The following TWF2 variants were observed in gnomAD, a reference collection of about 807,000 sequenced individuals.
The protein encoded by TWF2 is twinfilin-2.
TWF2 carries 15 observed loss-of-function variants against 45.1 expected under a neutral mutation model. The observed-to-expected ratio is 0.33, with a 90% confidence interval of 0.22 to 0.51. The LOEUF is 0.51. TWF2 is among the 20% of genes least tolerant of loss of function. The pLI is 0.97. For missense variants in TWF2, 423 were observed against 469.1 expected (o/e 0.90, Z 0.91); for synonymous variants, 177 against 195.8 (o/e 0.90, Z 0.80).
chr3:52,233,877 A>G (rs536849498), intron 2 of TWF2, among the ~76,000 whole-genome samples: 16 of 144,892 alleles, frequency 1.1e-4, no homozygotes, highest in Non-Finnish European at 1.8e-4. Context: ...TCACACCACT[A>G]CACTCCAGCC....
At chr3:52,235,163 A>G in intron 1 of TWF2, 57 bp from the exon 2 acceptor site, 1 of 1,561,748 alleles carries the variant, frequency 6.4e-7, no homozygotes, top group South Asian at 1.1e-5. Flanking sequence ...AGAGACGAGT[A>G]TGGGGCCTGC....
In TWF2 at chr3:52,228,652, C is replaced by A; in HGVS notation, c.*382G>T. On this transcript the variant is annotated 3_prime_UTR_variant, in exon 9 of 9. Coordinates refer to ENST00000305533, the MANE Select transcript of TWF2 (RefSeq NM_007284.4). ...TTTATTCTTTAGAAAATACAGCATT[C>A]AACCATCCCAAACTGCAGTGACCCC... 4.6e-6 allele frequency: 1 copy of A among 219,494 alleles called. No homozygotes were observed. The highest frequency in any genetic ancestry group is 9.0e-6 in the Non-Finnish European group (1 of 110,896). 13.6% of individuals were successfully genotyped at this position (219,494 alleles called of 1,614,324 possible).
chr3:52,231,042 G>A (rs763535162), intron 5 of TWF2, 47 bp from the exon 6 acceptor site: 1 of 1,609,866 alleles, frequency 6.2e-7, no homozygotes, highest in African/African-American at 1.3e-5. Flanking sequence ...GCCCAAAGCA[G>A]GGTGTGGCTC....
chr3:52,231,162 C>T lies in TWF2; in HGVS notation c.448G>A (p.Ala150Thr), dbSNP rs2107301659. Residue 150 changes from alanine (A) to threonine (T), a missense_variant, in exon 5 of 9, where the codon GCT becomes ACT. Transcript: ENST00000305533. ...SCAAPAPLTS[A>T]ERELQQIRIN... ...CGGATCTGCTGGAGCTCTCTCTCAG[C>T]CGAGGTCAGCGGGGCAGGTGCCGCA... 1 of 1,614,086 alleles carries T rather than the reference C, an allele frequency of 6.2e-7. No homozygotes were observed. Among genetic ancestry groups the T allele is most frequent in the East Asian group, 2.2e-5 (1 of 44,868 alleles).
In TWF2 at chr3:52,233,022, AG is replaced by A. The variant is rs566009107; in HGVS notation, c.104-901del. Among the ~76,000 whole-genome samples the A allele has an allele frequency of 2.8e-3, 423 of 152,368 alleles. 2 individuals carry two copies. Among genetic ancestry groups the A allele is most frequent in the South Asian group, 0.012 (57 of 4,832 alleles). ...GCGAAACTCCGTCTCAAAAAAAGAAAGAAAATGTCGCAGATCCAAAGCAGCC... is the reference window on the plus strand; with the variant it reads ...GCGAAACTCCGTCTCAAAAAAAGAAAAAAATGTCGCAGATCCAAAGCAGCC... On this transcript the variant is annotated intron_variant, in intron 2 of 8. Coordinates refer to ENST00000305533, the MANE Select transcript of TWF2 (RefSeq NM_007284.4).
intron 6 of TWF2, among the ~76,000 whole-genome samples, chr3:52,230,400 G>T (rs1236826877): frequency 6.6e-6 from 1 of 152,256 alleles, no homozygotes; most frequent in African/African-American, 2.4e-5. Flanking sequence ...ATCCTCAGAG[G>T]CAAGGCCTCT....
At chr3:52,230,682 G>A (rs1301560300) in intron 6 of TWF2, among the ~76,000 whole-genome samples, 188 bp downstream of exon 6, 1 of 151,954 alleles carries the variant, frequency 6.6e-6, no homozygotes. Flanking sequence ...CAGTGTCTGC[G>A]CCCCAGGCGG....
chr3:52,232,846 G>A (rs369149776), intron 2 of TWF2, among the ~76,000 whole-genome samples: 4 of 152,106 alleles, frequency 2.6e-5, no homozygotes, highest in Non-Finnish European at 4.4e-5. Flanking sequence ...GAGAAACCCC[G>A]TCTCTACTAA....
chr3:52,230,574 G>T (rs1430329501), intron 6 of TWF2, among the ~76,000 whole-genome samples: 1 of 152,160 alleles, frequency 6.6e-6, no homozygotes, highest in Non-Finnish European at 1.5e-5. Context: ...TGACCCCAGG[G>T]GTATGGGTGG....
Position 52,238,939 on chromosome 3 carries a change from C to T in TWF2, c.25+53G>A, listed in dbSNP as rs942045932. The T allele has an allele frequency of 6.7e-4, 918 of 1,373,974 alleles. 1 individual carries two copies. Among genetic ancestry groups the T allele is most frequent in the Non-Finnish European group, 8.3e-4 (844 of 1,013,136 alleles). The allele number at this position is 1,373,974 out of a possible 1,614,324, so 85.1% of individuals were successfully genotyped here. A position where few individuals can be genotyped will look rare whatever the true frequency, so the allele number is the denominator to read the frequency against. On this transcript the variant is annotated intron_variant, in intron 1 of 8. Coordinates refer to ENST00000305533, the MANE Select transcript of TWF2 (RefSeq NM_007284.4). ...GGAGGGGCCGAGAGCCGGGGGGGGGCGCTTCCGAGAGCCCAGACCGAGGCC... is the reference window on the plus strand; with the variant it reads ...GGAGGGGCCGAGAGCCGGGGGGGGGTGCTTCCGAGAGCCCAGACCGAGGCC...
chr3:52,237,930 T>C (rs1414675930), intron 1 of TWF2, among the ~76,000 whole-genome samples: 2 of 152,212 alleles, frequency 1.3e-5, no homozygotes, highest in African/African-American at 4.8e-5. Flanking sequence ...CGCCAGGCTG[T>C]CTGGGCAAAC....
intron 3 of TWF2, 114 bp from the exon 4 acceptor site, chr3:52,231,653 A>T: frequency 8.0e-7 from 1 of 1,242,820 alleles, no homozygotes; most frequent in Middle Eastern, 2.5e-4. Flanking sequence ...CACCTGGCAG[A>T]GGGCCAGCCC....
chr3:52,229,855 C>A, intron 7 of TWF2, 65 bp downstream of exon 7: 1 of 1,595,146 alleles, frequency 6.3e-7, no homozygotes, highest in Non-Finnish European at 8.6e-7. Flanking sequence ...GCAGGCCTGC[C>A]CCACTGCAGA....
chr3:52,235,248 A>C (rs1577987436), intron 1 of TWF2, 142 bp from the exon 2 acceptor site: 6 of 757,004 alleles, frequency 7.9e-6, no homozygotes. Flanking sequence ...GGAACCTGAG[A>C]CAGCCACTGA....
chr3:52,231,593 G>A (rs375246194), intron 3 of TWF2, 54 bp from the exon 4 acceptor site: 27 of 1,547,678 alleles, frequency 1.7e-5, no homozygotes, highest in East Asian at 4.5e-5. Flanking sequence ...TGCCTCTCCC[G>A]GAACAGACAG....
intron 1 of TWF2, among the ~76,000 whole-genome samples, chr3:52,238,581 TCAAA>T (rs1374856014): frequency 1.1e-4 from 16 of 152,122 alleles, no homozygotes; most frequent in South Asian, 2.1e-4. Flanking sequence ...CAGTGTCCAT[TCAAA>T]CAGTCACTAG....
Position 52,230,176 on chromosome 3 carries a change from T to C in TWF2, c.610-106A>G, listed in dbSNP as rs572721219. 28 of 1,391,730 alleles carry C rather than the reference T, an allele frequency of 2.0e-5. No homozygotes were observed. In the East Asian group the frequency reaches 6.3e-4, roughly 31 times the overall value. 86.2% of individuals were successfully genotyped at this position (1,391,730 alleles called of 1,614,324 possible). On this transcript the variant is annotated intron_variant, in intron 6 of 8. Transcript: ENST00000305533. The stretch of plus-strand genomic sequence containing the variant: ...GATTAGCTGGTGGGCAGGAGCCTGA[T>C]GTGACCTCCCTCTCCCAAGACTCCC...
At position 52,235,066 on chromosome 3, in the gene TWF2, A is replaced by T. The variant is rs1044372141; in HGVS notation, c.66T>A (p.Ala22=). 3 of 1,614,012 alleles carry T rather than the reference A, an allele frequency of 1.9e-6. No individual in the cohort carries two copies. The highest frequency in any genetic ancestry group is 2.5e-6 in the Non-Finnish European group (3 of 1,180,034). Reference sequence around the variant, plus strand: ...CAACCTTGATGAGCCGCACAGAGCCAGCCCGTGCCTTGGCAAAGAATTCCT... The same window carrying T: ...CAACCTTGATGAGCCGCACAGAGCCTGCCCGTGCCTTGGCAAAGAATTCCT... The part of the protein sequence containing the change: ...ELKEFFAKAR[A]GSVRLIKVVI... Residue 22 remains alanine (A), a synonymous_variant, in exon 2 of 9, where the codon GCT becomes GCA. Transcript: ENST00000305533.
At chr3:52,238,937 G>GGC (rs1559443301) in intron 1 of TWF2, 55 bp downstream of exon 1, 13 of 1,566,472 alleles carry the variant, frequency 8.3e-6, no homozygotes, top group African/African-American at 1.4e-5. Context: ...GCCGGGGGGG[G>GGC]GCGCTTCCGA....
Sources: allele counts gnomAD v4.1 joint callset (sites outside exome capture counted in the v4.1 genomes callset), GRCh38; gene constraint gnomAD v4.1.1; transcripts MANE v1.5; gene names NCBI Gene and HGNC (gene_info 2026-07-23, HGNC 2026-07-21).